TCF20: variants seen among roughly 807,000 people sequenced by gnomAD.
TCF20 encodes SPRE-binding protein.
Under a neutral mutation model 148.6 loss-of-function variants are expected in TCF20, and 3 were observed. That is an observed-to-expected ratio of 0.02 (90% confidence interval 0.01 to 0.05). The LOEUF (loss-of-function observed/expected upper bound fraction) is 0.05, where lower values mean the gene tolerates loss of function less well. TCF20 is among the 10% of genes least tolerant of loss of function. TCF20 has a pLI of 1.00. For synonymous variants in TCF20, 1,049 were observed against 909.5 expected (o/e 1.15, Z -2.76); for missense variants, 2,350 against 2,429.3 (o/e 0.97, Z 0.69).
At position 42,215,546 on chromosome 22, in the gene TCF20, A is replaced by T. The variant is rs1381837592; in HGVS notation, c.-36-205T>A. 5 of 586,930 alleles carry T rather than the reference A, an allele frequency of 8.5e-6. No individual in the cohort carries two copies. The South Asian group carries it at 1.5e-4, about 18-fold the overall frequency. 36.4% of individuals were successfully genotyped at this position (586,930 alleles called of 1,614,324 possible). A position where few individuals can be genotyped will look rare whatever the true frequency, so the allele number is the denominator to read the frequency against. The stretch of plus-strand genomic sequence containing the variant: ...AGTGCAATTGCACGATCTCAGCTCA[A>T]TGCAACTTCTGCCTGCAGGGTTCAA... On this transcript the variant is annotated intron_variant, in intron 1 of 5. Coordinates refer to ENST00000677622, the MANE Select transcript of TCF20 (RefSeq NM_001378418.1).
intron 1 of TCF20, among the ~76,000 whole-genome samples, chr22:42,233,690 T>C (rs1307734908): frequency 1.3e-5 from 2 of 152,208 alleles, no homozygotes; most frequent in Non-Finnish European, 2.9e-5. Flanking sequence ...GTTGACAATA[T>C]AAATTCTCTT....
chr22:42,166,259 G>A (rs967870270), intron 5 of TCF20, among the ~76,000 whole-genome samples: 1 of 152,250 alleles, frequency 6.6e-6, no homozygotes, highest in Non-Finnish European at 1.5e-5. Context: ...TCTCTTCAAT[G>A]GGTGAGGCCA....
At chr22:42,287,789 G>A (rs886356065), upstream of TCF20, among the ~76,000 whole-genome samples, 40 of 152,276 alleles carry the variant, frequency 2.6e-4, no homozygotes, top group African/African-American at 9.4e-4. Flanking sequence ...GCATGGGAAA[G>A]GGGGAGTAAA....
chr22:42,254,362 T>C (rs1925603295), intron 1 of TCF20, among the ~76,000 whole-genome samples: 1 of 152,210 alleles, frequency 6.6e-6, no homozygotes, highest in Admixed American at 6.5e-5. Flanking sequence ...CCTCTTCAAA[T>C]GGCCACAAAC....
chr22:42,327,838 T>A (rs998521208), intron 1 of TCF20, among the ~76,000 whole-genome samples: 1 of 150,722 alleles, frequency 6.6e-6, no homozygotes. Flanking sequence ...TGCCCTCAGA[T>A]CCTCTTGCTC....
intron 1 of TCF20, among the ~76,000 whole-genome samples, chr22:42,217,199 G>C (rs553558249): frequency 3.3e-5 from 5 of 152,194 alleles, no homozygotes; most frequent in Admixed American, 3.3e-4. Flanking sequence ...ACCTCTCTGA[G>C]CTCCTCCCCT....
intron 1 of TCF20, among the ~76,000 whole-genome samples, chr22:42,249,499 A>ATTT (rs1925190820): frequency 1.3e-5 from 2 of 152,218 alleles, no homozygotes; most frequent in Admixed American, 6.5e-5. Flanking sequence ...TTCCCTCGCA[A>ATTT]AAAGGCTCTG....
chr22:42,208,596 ACAAAACAAAACAAAAC>A (rs1286952922), intron 2 of TCF20, among the ~76,000 whole-genome samples: 3 of 152,316 alleles, frequency 2.0e-5, no homozygotes, highest in South Asian at 2.1e-4. Context: ...ACAAAACAAA[ACAAAACAAAACAAAAC>A]CAAAACAAAA....
At chr22:42,161,636 A>G (rs1336774196) in intron 5 of TCF20, among the ~76,000 whole-genome samples, 1 of 152,188 alleles carries the variant, frequency 6.6e-6, no homozygotes, top group Admixed American at 6.5e-5. Context: ...CTAGTGCATA[A>G]AGGAACCAGT....
chr22:42,201,543 G>C (rs1039152690), intron 2 of TCF20, among the ~76,000 whole-genome samples: 1 of 152,104 alleles, frequency 6.6e-6, no homozygotes, highest in Non-Finnish European at 1.5e-5. Context: ...TGAGGCAGAC[G>C]GATCAGTTGA....
At chr22:42,195,213 T>C (rs1287738922) in intron 2 of TCF20, among the ~76,000 whole-genome samples, 1 of 150,922 alleles carries the variant, frequency 6.6e-6, no homozygotes, top group Non-Finnish European at 1.5e-5. Flanking sequence ...GCAACTCACA[T>C]TTTTGTCCCC....
chr22:42,219,653 C>T (rs1601613006), intron 1 of TCF20, among the ~76,000 whole-genome samples: 1 of 151,880 alleles, frequency 6.6e-6, no homozygotes, highest in Admixed American at 6.6e-5. Flanking sequence ...CTCAGGAGTT[C>T]GAGACCAGCC....
chr22:42,201,721 T>C (rs1938036832), intron 2 of TCF20, among the ~76,000 whole-genome samples: 1 of 152,086 alleles, frequency 6.6e-6, no homozygotes, highest in Non-Finnish European at 1.5e-5. Context: ...TGAGCCGAAA[T>C]TGTGCCATTG....
In TCF20 at chr22:42,317,513, C is replaced by T. The variant is rs1368080842; in HGVS notation, c.-37+25966G>A. On this transcript the variant is annotated intron_variant, in intron 1 of 1. Coordinates refer to the TCF20 transcript ENST00000515426. This position sits in a 1 kb window ranked among gnomAD's most constrained non-coding sequence, Gnocchi z 4.2. Reference sequence around the variant, plus strand: ...TTCCCCAGTGTCACCTCATTACCCACTCACTACCTGGTACATGGGCAAAGA... The same window carrying T: ...TTCCCCAGTGTCACCTCATTACCCATTCACTACCTGGTACATGGGCAAAGA... Among the ~76,000 whole-genome samples, 2 of 152,208 alleles carry T rather than the reference C, an allele frequency of 1.3e-5. No individual in the cohort carries two copies. Among genetic ancestry groups the T allele is most frequent in the African/African-American group, 4.8e-5 (2 of 41,450 alleles).
At chr22:42,215,693 G>A (rs1217533090) in intron 1 of TCF20, among the ~76,000 whole-genome samples, 4 of 152,000 alleles carry the variant, frequency 2.6e-5, no homozygotes, top group Admixed American at 6.6e-5. Flanking sequence ...GGCTGGTCTC[G>A]AACTCCTGAC....
rs1922536048 is a variant in TCF20, at chr22:42,223,155, A to C, written c.-36-7814T>G. On this transcript the variant is annotated intron_variant, in intron 1 of 5. Coordinates refer to ENST00000677622, the MANE Select transcript of TCF20 (RefSeq NM_001378418.1). Reference sequence around the variant, plus strand: ...GCTACAGTAAGACCTGTCCCAGTAAATAAATAAATAATTGCCATTTATTTA... The same window carrying C: ...GCTACAGTAAGACCTGTCCCAGTAACTAAATAAATAATTGCCATTTATTTA... 2.0e-5 allele frequency among the ~76,000 whole-genome samples: 3 copies of C among 152,200 alleles called. No homozygotes were observed. The South Asian group carries it at 6.2e-4, about 32-fold the overall frequency.
intron 1 of TCF20, among the ~76,000 whole-genome samples, chr22:42,258,833 G>C (rs1008566663): frequency 1.3e-5 from 2 of 151,980 alleles, no homozygotes; most frequent in Non-Finnish European, 2.9e-5. Context: ...GGTTTATCAG[G>C]ATGTAACTCC....
chr22:42,329,363 G>C (rs1927930387), intron 1 of TCF20, among the ~76,000 whole-genome samples: 1 of 152,372 alleles, frequency 6.6e-6, no homozygotes, highest in East Asian at 1.9e-4. Flanking sequence ...CCTGCCAGGA[G>C]AATGGCCACA....
intron 2 of TCF20, among the ~76,000 whole-genome samples, chr22:42,197,543 C>T (rs1011762583): frequency 2.0e-5 from 3 of 152,136 alleles, no homozygotes; most frequent in Admixed American, 2.0e-4. Context: ...AGGATGGTCT[C>T]GATCTCCTGA....
Sources: allele counts gnomAD v4.1 joint callset (sites outside exome capture counted in the v4.1 genomes callset), GRCh38; gene constraint gnomAD v4.1.1; non-coding constraint Gnocchi (gnomAD v3.1); transcripts MANE v1.5; gene names NCBI Gene and HGNC (gene_info 2026-07-23, HGNC 2026-07-21).